PIP5K1B: variants seen among roughly 807,000 people sequenced by gnomAD.
PIP5K1B encodes the protein phosphatidylinositol 4-phosphate 5-kinase type-1 beta.
A neutral mutation model predicts 67.0 loss-of-function variants in PIP5K1B; 42 were observed. The observed-to-expected ratio is 0.63, with a 90% CI of 0.49 to 0.81. PIP5K1B has a LOEUF of 0.81. Among genes scored for constraint, PIP5K1B ranks in the 30% least tolerant of loss-of-function variants. PIP5K1B has a pLI of 0.00. For synonymous variants in PIP5K1B, 214 were observed against 231.4 expected (o/e 0.92, Z 0.68); for missense variants, 459 against 646.3 (o/e 0.71, Z 3.14).
chr9:68,875,478 ATCT>A (rs1823845183), intron 5 of PIP5K1B, among the ~76,000 whole-genome samples: 1 of 152,144 alleles, frequency 6.6e-6, no homozygotes, highest in Non-Finnish European at 1.5e-5. Flanking sequence ...TAATAATCAA[ATCT>A]TCTCTGTTAA....
intron 8 of PIP5K1B, among the ~76,000 whole-genome samples, chr9:68,909,283 TTTTG>T (rs76189159): frequency 5.9e-5 from 9 of 151,928 alleles, no homozygotes; most frequent in South Asian, 2.1e-4. Flanking sequence ...ATCTAGGTTT[TTTTG>T]TTTGTTTGTT....
At chr9:68,847,411 T>TGTGTGTG (rs1564180237) in intron 4 of PIP5K1B, among the ~76,000 whole-genome samples, 2 of 83,844 alleles carry the variant, frequency 2.4e-5, no homozygotes. Flanking sequence ...ACAGCAGTGG[T>TGTGTGTG]TTTGTGTGTG....
intron 12 of PIP5K1B, among the ~76,000 whole-genome samples, chr9:68,927,864 A>G (rs1826793392): frequency 6.6e-6 from 1 of 152,076 alleles, no homozygotes; most frequent in African/African-American, 2.4e-5. Flanking sequence ...GTTTTCTTTG[A>G]AGAGTTTTAT....
chr9:68,951,424 T>G (rs756884569), intron 14 of PIP5K1B, among the ~76,000 whole-genome samples: 1 of 152,232 alleles, frequency 6.6e-6, no homozygotes, highest in Non-Finnish European at 1.5e-5. Flanking sequence ...TGTCTTTTAT[T>G]TATGTATGAG....
chr9:68,871,981 C>A (rs1823648984), intron 5 of PIP5K1B, among the ~76,000 whole-genome samples: 1 of 151,158 alleles, frequency 6.6e-6, no homozygotes, highest in African/African-American at 2.4e-5. Flanking sequence ...GTGAGGAGTT[C>A]TACTCTTTTT....
chr9:68,912,384 A>G (rs1267029873), intron 8 of PIP5K1B, among the ~76,000 whole-genome samples: 1 of 152,210 alleles, frequency 6.6e-6, no homozygotes, highest in East Asian at 1.9e-4. Flanking sequence ...GGGCACAGGA[A>G]GAAAAAGTGG....
intron 15 of PIP5K1B, among the ~76,000 whole-genome samples, chr9:68,999,468 G>A (rs1830724301): frequency 6.6e-6 from 1 of 152,222 alleles, no homozygotes; most frequent in Non-Finnish European, 1.5e-5. Context: ...TCCTCACAAA[G>A]AGGTATCAGG....
intron 2 of PIP5K1B, among the ~76,000 whole-genome samples, chr9:68,779,860 G>A (rs878878718): frequency 6.6e-6 from 1 of 152,270 alleles, no homozygotes; most frequent in South Asian, 2.1e-4. Flanking sequence ...TCCAGAATAT[G>A]ACAATCTTAT....
chr9:68,940,274 A>G (rs1827492401), intron 13 of PIP5K1B, among the ~76,000 whole-genome samples: 1 of 152,180 alleles, frequency 6.6e-6, no homozygotes, highest in Non-Finnish European at 1.5e-5. Context: ...AAAAAGGTTC[A>G]CTGTCTGTTT....
intron 6 of PIP5K1B, among the ~76,000 whole-genome samples, chr9:68,887,752 G>A (rs1824551452): frequency 1.3e-5 from 2 of 152,176 alleles, no homozygotes; most frequent in Non-Finnish European, 2.9e-5. Context: ...AGGCGGGCAG[G>A]CAGCATCAAC....
intron 14 of PIP5K1B, among the ~76,000 whole-genome samples, chr9:68,982,485 G>A (rs1404526586): frequency 2.0e-5 from 3 of 152,232 alleles, no homozygotes; most frequent in African/African-American, 2.4e-5. Context: ...GGCCAGGCAC[G>A]GTGGCTCACG....
chr9:68,996,710 G>C lies in PIP5K1B; in HGVS notation c.1620+5453G>C, dbSNP rs980400714. ...GAATGCAATTTGGTTTTCGTGGAAA[G>C]AGGAACAACCAACAAAAAGCCATTT... is the stretch of plus-strand genomic sequence containing the variant. On this transcript the variant is annotated intron_variant, in intron 15 of 15. Transcript: ENST00000265382. Among the ~76,000 whole-genome samples, 12 of 152,328 alleles carry C rather than the reference G, an allele frequency of 7.9e-5. No individual in the cohort carries two copies. In the South Asian group the frequency reaches 1.0e-3, roughly 13 times the overall value.
chr9:68,875,060 C>A (rs1823812297), intron 5 of PIP5K1B, among the ~76,000 whole-genome samples: 1 of 151,950 alleles, frequency 6.6e-6, no homozygotes, highest in Non-Finnish European at 1.5e-5. Flanking sequence ...GGGTACAGCA[C>A]TGGGGCATCA....
intron 4 of PIP5K1B, chr9:68,823,990 TG>T (rs1388153267): frequency 2.3e-6 from 1 of 441,928 alleles, no homozygotes; most frequent in African/African-American, 2.0e-5. Flanking sequence ...ATGGTGTGGT[TG>T]GAAAAGAGTT....
intron 8 of PIP5K1B, among the ~76,000 whole-genome samples, chr9:68,915,671 T>C (rs1826059121): frequency 6.6e-6 from 1 of 152,172 alleles, no homozygotes; most frequent in African/African-American, 2.4e-5. Flanking sequence ...TGGTTCCACA[T>C]TGTTATCAAG....
chr9:68,920,803 TACACACACACAC>T (rs59573461), intron 11 of PIP5K1B, among the ~76,000 whole-genome samples: 1 of 141,432 alleles, frequency 7.1e-6, no homozygotes, highest in Admixed American at 7.1e-5. Flanking sequence ...TACACACACA[TACACACACACAC>T]ACACACACAC....
chr9:68,893,388 C>A (rs1296296664), intron 7 of PIP5K1B, among the ~76,000 whole-genome samples: 7 of 126,180 alleles, frequency 5.5e-5, no homozygotes, highest in Non-Finnish European at 1.1e-4. Flanking sequence ...GGCTGGAGTG[C>A]AGTGGCATGA....
At chr9:68,865,213 C>T (rs1293471105) in intron 5 of PIP5K1B, among the ~76,000 whole-genome samples, 1 of 151,912 alleles carries the variant, frequency 6.6e-6, no homozygotes, top group African/African-American at 2.4e-5. Flanking sequence ...ACCGCAAGGC[C>T]CAAGATATAA....
chr9:68,840,099 C>T (rs1404750234), intron 4 of PIP5K1B, among the ~76,000 whole-genome samples: 3 of 152,134 alleles, frequency 2.0e-5, no homozygotes, highest in Non-Finnish European at 4.4e-5. Flanking sequence ...TTTCACGGCC[C>T]GGCACAGTGG....
Sources: gnomAD v4.1 joint callset for allele counts (sites outside exome capture counted in the v4.1 genomes callset) on GRCh38, gnomAD v4.1.1 for gene constraint, MANE v1.5 for transcripts, NCBI Gene and HGNC (gene_info 2026-07-23, HGNC 2026-07-21) for gene names.